GABBR2: variants seen among roughly 807,000 people sequenced by gnomAD.
The protein encoded by GABBR2 is gamma-aminobutyric acid type B receptor subunit 2.
A neutral mutation model predicts 105.6 loss-of-function variants in GABBR2; 23 were observed. The ratio of observed to expected loss-of-function variants is 0.22; its 90% CI spans 0.16 to 0.31. The LOEUF (loss-of-function observed/expected upper bound fraction) is 0.31, where lower values mean the gene tolerates loss of function less well. GABBR2 is among the 10% of genes least tolerant of loss of function. The pLI, the probability that GABBR2 is intolerant of heterozygous loss-of-function variation, is 1.00. For missense variants in GABBR2, 734 were observed against 1,245.5 expected (o/e 0.59, Z 6.18); for synonymous variants, 478 against 499.7 (o/e 0.96, Z 0.58).
In GABBR2 at chr9:98,591,383, C is replaced by T. The variant is rs114306541; in HGVS notation, c.322-13311G>A. 2.2e-3 allele frequency among the ~76,000 whole-genome samples: 342 copies of T among 152,302 alleles called. 2 individuals carry two copies. Among genetic ancestry groups the T allele is most frequent in the African/African-American group, 7.8e-3 (323 of 41,554 alleles). The stretch of plus-strand genomic sequence containing the variant: ...GGCTTGAGCCAGTGCGTCGGGAACA[C>T]TGAACACAGGTAGGTGTGGTTTTCT... On this transcript the variant is annotated intron_variant, in intron 1 of 18. Coordinates refer to ENST00000259455, the MANE Select transcript of GABBR2 (RefSeq NM_005458.8).
intron 1 of GABBR2, among the ~76,000 whole-genome samples, chr9:98,620,846 T>C (rs1373465240): frequency 6.6e-6 from 1 of 152,180 alleles, no homozygotes; most frequent in Admixed American, 6.5e-5. Flanking sequence ...CACTTCGCTA[T>C]CTGCGGGGCC....
At chr9:98,630,465 G>A (rs1279673037) in intron 1 of GABBR2, among the ~76,000 whole-genome samples, 1 of 152,178 alleles carries the variant, frequency 6.6e-6, no homozygotes, top group African/African-American at 2.4e-5. Flanking sequence ...TCAGGTGACT[G>A]ACACAGGCAT....
At chr9:98,402,428 G>A (rs1832410549) in intron 8 of GABBR2, among the ~76,000 whole-genome samples, 1 of 152,190 alleles carries the variant, frequency 6.6e-6, no homozygotes, top group African/African-American at 2.4e-5. Flanking sequence ...GGAATCTGGA[G>A]ATGAAAGGGG....
intron 6 of GABBR2, among the ~76,000 whole-genome samples, chr9:98,465,217 A>G (rs13289537): frequency 6.6e-6 from 1 of 152,006 alleles, no homozygotes; most frequent in Admixed American, 6.5e-5. Flanking sequence ...AAGTTTAGAA[A>G]CAGAACCAAA....
At chr9:98,667,212 G>C (rs1286536774) in intron 1 of GABBR2, among the ~76,000 whole-genome samples, 1 of 152,198 alleles carries the variant, frequency 6.6e-6, no homozygotes, top group African/African-American at 2.4e-5. Context: ...CACTGTAGCA[G>C]TGGGGGTTGT....
intron 7 of GABBR2, among the ~76,000 whole-genome samples, chr9:98,450,924 G>A (rs1826218988): frequency 6.6e-6 from 1 of 152,174 alleles, no homozygotes; most frequent in Admixed American, 6.5e-5. Context: ...AGGCACCTAG[G>A]CAAAATGCAG....
intron 6 of GABBR2, among the ~76,000 whole-genome samples, chr9:98,471,004 G>A (rs1826661453): frequency 6.6e-6 from 1 of 152,154 alleles, no homozygotes; most frequent in Non-Finnish European, 1.5e-5. Context: ...AATAGGATCT[G>A]AGTAGCTCCA....
chr9:98,402,782 C>G (rs1210387939), intron 8 of GABBR2, among the ~76,000 whole-genome samples: 2 of 152,196 alleles, frequency 1.3e-5, no homozygotes, highest in Non-Finnish European at 2.9e-5. Context: ...TGACACAGGG[C>G]TGCTCCTGGA....
At chr9:98,316,940 C>T (rs375686707) in intron 13 of GABBR2, among the ~76,000 whole-genome samples, 2 of 152,228 alleles carry the variant, frequency 1.3e-5, no homozygotes, top group African/African-American at 4.8e-5. Flanking sequence ...CCAGCACTCC[C>T]TCCTCCTTCA....
At chr9:98,377,017 C>T (rs1450570845) in intron 11 of GABBR2, among the ~76,000 whole-genome samples, 3 of 152,182 alleles carry the variant, frequency 2.0e-5, no homozygotes, top group Admixed American at 6.5e-5. Context: ...GATCACAGGC[C>T]GAAATTCAGC....
At position 98,538,290 on chromosome 9, in the gene GABBR2, C is replaced by G. The variant is rs1384810012; in HGVS notation, c.630+3583G>C. 2.0e-5 allele frequency among the ~76,000 whole-genome samples: 3 copies of G among 152,218 alleles called. No individual in the cohort carries two copies. In the East Asian group the frequency reaches 5.8e-4, roughly 29 times the overall value. ...GGCTCAGAGATCAGCCCACCTGGTACCAAATCCTTCCTTCTTTTGTCTCAT... is the reference window on the plus strand; with the variant it reads ...GGCTCAGAGATCAGCCCACCTGGTAGCAAATCCTTCCTTCTTTTGTCTCAT... On this transcript the variant is annotated intron_variant, in intron 3 of 18. Transcript: ENST00000259455.
At chr9:98,645,871 T>C (rs1830022846) in intron 1 of GABBR2, among the ~76,000 whole-genome samples, 1 of 152,256 alleles carries the variant, frequency 6.6e-6, no homozygotes, top group Admixed American at 6.5e-5. Flanking sequence ...CTAACTCATT[T>C]AATCCTCACA....
At chr9:98,664,886 G>A (rs989956280) in intron 1 of GABBR2, among the ~76,000 whole-genome samples, 4 of 152,172 alleles carry the variant, frequency 2.6e-5, no homozygotes, top group African/African-American at 9.7e-5. Context: ...AGCACTTTGG[G>A]AGGCTGAGGT....
At chr9:98,497,297 T>C (rs10986425) in intron 3 of GABBR2, among the ~76,000 whole-genome samples, 91,834 of 151,958 alleles carry the variant, frequency 0.6, 28,627 homozygotes, top group African/African-American at 0.68. Flanking sequence ...AAGACAGTAA[T>C]AGTTGGTTGC....
Position 98,365,661 on chromosome 9 carries a change from T to A in GABBR2, c.1771-2824A>T, listed in dbSNP as rs1442752855. Among the ~76,000 whole-genome samples, 3 of 152,354 alleles carry A rather than the reference T, an allele frequency of 2.0e-5. No homozygotes were observed. In the East Asian group the frequency reaches 5.8e-4, roughly 29 times the overall value. Reference sequence around the variant, plus strand: ...CAGGTTCTGTTCTAGGCACTGAGGATGCAACAGTGGACAAAACAAACATTC... The same window carrying A: ...CAGGTTCTGTTCTAGGCACTGAGGAAGCAACAGTGGACAAAACAAACATTC... On this transcript the variant is annotated intron_variant, in intron 12 of 18. Coordinates refer to ENST00000259455, the MANE Select transcript of GABBR2 (RefSeq NM_005458.8).
At chr9:98,360,827 C>T (rs541393432) in intron 13 of GABBR2, among the ~76,000 whole-genome samples, 164 of 152,298 alleles carry the variant, frequency 1.1e-3, no homozygotes, top group African/African-American at 3.6e-3. Flanking sequence ...CTCCCCACCA[C>T]AGCTGGAGCC....
At chr9:98,325,678 A>C (rs1258736680) in intron 13 of GABBR2, among the ~76,000 whole-genome samples, 1 of 152,156 alleles carries the variant, frequency 6.6e-6, no homozygotes, top group East Asian at 1.9e-4. Flanking sequence ...AGGGCAAGAC[A>C]GTTGTCCCCT....
At chr9:98,659,328 C>A (rs536111040) in intron 1 of GABBR2, among the ~76,000 whole-genome samples, 1 of 152,188 alleles carries the variant, frequency 6.6e-6, no homozygotes, top group Non-Finnish European at 1.5e-5. Flanking sequence ...GTTTATACAT[C>A]TTTTTTGTTT....
intron 8 of GABBR2, among the ~76,000 whole-genome samples, chr9:98,396,604 C>T (rs1240480308): frequency 6.6e-6 from 1 of 152,246 alleles, no homozygotes; most frequent in Non-Finnish European, 1.5e-5. Context: ...GCAGAATCTG[C>T]TGGGGGGCTC....
Sources: gnomAD v4.1 joint callset for allele counts (sites outside exome capture counted in the v4.1 genomes callset) on GRCh38, gnomAD v4.1.1 for gene constraint, MANE v1.5 for transcripts, NCBI Gene and HGNC (gene_info 2026-07-23, HGNC 2026-07-21) for gene names.